FREM2: variants seen among roughly 807,000 people sequenced by gnomAD.
FREM2 encodes the protein FRAS1-related extracellular matrix protein 2.
Under a neutral mutation model 219.9 loss-of-function variants are expected in FREM2, and 119 were observed. The observed-to-expected ratio is 0.54, with a 90% confidence interval of 0.47 to 0.63. FREM2 has a LOEUF of 0.63. Ranked by LOEUF, FREM2 falls within the 30% of genes least tolerant of loss-of-function variation. The pLI, the probability that FREM2 is intolerant of heterozygous loss-of-function variation, is 0.00. For missense variants in FREM2, 4,030 were observed against 3,993.6 expected, an observed-to-expected ratio of 1.01 and a Z score of -0.25; for synonymous variants, 1,562 against 1,522.8, an observed-to-expected ratio of 1.03 and a Z score of -0.60.
chr13:38,751,456 G>T (rs1358413037), intron 2 of FREM2, among the ~76,000 whole-genome samples: 1 of 151,806 alleles, frequency 6.6e-6, no homozygotes, highest in Admixed American at 6.6e-5. Context: ...TCTTATTGCT[G>T]CCCACACACA....
Position 38,784,566 on chromosome 13 carries a change from C to T in FREM2, c.5777C>T (p.Thr1926Ile). 6.2e-7 allele frequency: 1 copy of T among 1,614,190 alleles called. No individual in the cohort carries two copies. The highest frequency in any genetic ancestry group is 1.1e-5 in the South Asian group (1 of 91,088). The change falls in exon 6 of 24, where the codon ACT becomes ATT. Residue 1926 changes from threonine to isoleucine, a missense_variant. Physicochemically the swap from Thr to Ile is moderately conservative, Grantham distance 89 (BLOSUM62 -1). This residue lies in a region of FREM2 where 3,102 missense variants were observed against 2,950.7 expected (regional missense o/e 1.05). Coordinates refer to ENST00000280481, the MANE Select transcript of FREM2 (RefSeq NM_207361.6). ...TTCTCTCTGCTTCCAGGAACAGCAACTGGAACTGTGCCGACTTCCGTGTTG... is the reference window on the plus strand; with the variant it reads ...TTCTCTCTGCTTCCAGGAACAGCAATTGGAACTGTGCCGACTTCCGTGTTG... ...VVCYTQQGTATGTVPTSVLSY... is the reference protein window; with the variant it reads ...VVCYTQQGTAIGTVPTSVLSY...
intron 16 of FREM2, among the ~76,000 whole-genome samples, chr13:38,867,871 C>T (rs1304249738): frequency 6.6e-6 from 1 of 152,142 alleles, no homozygotes; most frequent in African/African-American, 2.4e-5. Flanking sequence ...TTGGTGGTGC[C>T]CACTTACATT....
intron 6 of FREM2, among the ~76,000 whole-genome samples, chr13:38,840,020 G>T (rs982359096): frequency 6.6e-6 from 1 of 152,146 alleles, no homozygotes; most frequent in Non-Finnish European, 1.5e-5. Flanking sequence ...AACTCCTGCA[G>T]CTAGCTGAGT....
At chr13:38,878,113 A>G (rs1164074173) in intron 21 of FREM2, 21 bp from the exon 22 acceptor site, 7 of 1,598,996 alleles carry the variant, frequency 4.4e-6, no homozygotes, top group Non-Finnish European at 6.0e-6. Context: ...CAGAAATAAC[A>G]TTTCCACATC....
Position 38,689,502 on chromosome 13 carries a change from C to T in FREM2, c.2158C>T (p.Pro720Ser). 3 of 1,614,096 alleles carry T rather than the reference C, an allele frequency of 1.9e-6. No homozygotes were observed. The highest frequency in any genetic ancestry group is 2.5e-6 in the Non-Finnish European group (3 of 1,180,006). ...RMVVQESQLTPLRKKWLRYTD... is the reference protein window; with the variant it reads ...RMVVQESQLTSLRKKWLRYTD... ...GGTGGTACAGGAATCCCAGCTCACA[C>T]CACTGAGGAAGAAGTGGCTGCGCTA... is the stretch of plus-strand genomic sequence containing the variant. The change falls in exon 1 of 24, where the codon CCA becomes TCA. Residue 720 changes from proline (P) to serine (S), a missense_variant. By Grantham distance (74) the Pro-to-Ser change is moderately conservative. This residue lies in a region of FREM2 where 3,102 missense variants were observed against 2,950.7 expected (regional missense o/e 1.05). Coordinates refer to ENST00000280481, the MANE Select transcript of FREM2 (RefSeq NM_207361.6).
intron 5 of FREM2, among the ~76,000 whole-genome samples, chr13:38,784,070 G>T (rs1049239276): frequency 6.6e-6 from 1 of 152,248 alleles, no homozygotes; most frequent in African/African-American, 2.4e-5. Context: ...TTGCATTCCG[G>T]CCTGGGCAAC....
At chr13:38,730,034 T>C (rs1372051309) in intron 2 of FREM2, among the ~76,000 whole-genome samples, 1 of 152,240 alleles carries the variant, frequency 6.6e-6, no homozygotes, top group African/African-American at 2.4e-5. Flanking sequence ...GATAATTGTG[T>C]AGGAGTGCCT....
intron 4 of FREM2, among the ~76,000 whole-genome samples, chr13:38,779,914 T>C (rs998377842): frequency 3.3e-5 from 5 of 152,212 alleles, no homozygotes; most frequent in African/African-American, 7.2e-5. Flanking sequence ...ACTCCTCTGG[T>C]TGTCTTCATC....
intron 6 of FREM2, among the ~76,000 whole-genome samples, chr13:38,829,718 A>ATAATTTTTTTATTTGAATAAACAAAT (rs1267851372): frequency 4.6e-5 from 7 of 151,362 alleles, no homozygotes; most frequent in African/African-American, 1.5e-4. Flanking sequence ...TCCTCTATGA[A>ATAATTTTTTTATTTGAATAAACAAAT]TAATTTTTTT....
At chr13:38,833,460 A>G (rs1324403389) in intron 6 of FREM2, among the ~76,000 whole-genome samples, 2 of 152,022 alleles carry the variant, frequency 1.3e-5, no homozygotes, top group Non-Finnish European at 2.9e-5. Flanking sequence ...GGCAACCCTT[A>G]TCATTTTAAG....
chr13:38,721,481 C>G (rs1167912651), intron 2 of FREM2, among the ~76,000 whole-genome samples: 2 of 152,026 alleles, frequency 1.3e-5, no homozygotes, highest in South Asian at 4.1e-4. Flanking sequence ...TAGCTGCAGT[C>G]AGTGAGTGCA....
In FREM2 at chr13:38,784,550, C is replaced by T. The variant is rs535025440; in HGVS notation, c.5768-7C>T. On this transcript the variant is annotated splice_region_variant and splice_polypyrimidine_tract_variant and intron_variant, in intron 5 of 23. Transcript: ENST00000280481. ...ATAAAAATCTTTTGAATTCTCTCTGCTTCCAGGAACAGCAACTGGAACTGT... is the reference window on the plus strand; with the variant it reads ...ATAAAAATCTTTTGAATTCTCTCTGTTTCCAGGAACAGCAACTGGAACTGT... 5 of 1,613,996 alleles carry T rather than the reference C, an allele frequency of 3.1e-6. No individual in the cohort carries two copies. The highest frequency in any genetic ancestry group is 1.7e-5 in the Admixed American group (1 of 60,036).
Position 38,687,755 on chromosome 13 carries a change from C to T in FREM2, c.411C>T (p.Arg137=). ...GCGACTTTGGCCCTGGCGAGGTGCGCTACTCTCACCTGGGCGCGCGCAGCC... is the reference window on the plus strand; with the variant it reads ...GCGACTTTGGCCCTGGCGAGGTGCGTTACTCTCACCTGGGCGCGCGCAGCC... ...FPCDFGPGEV[R]YSHLGARSPS... The change falls in exon 1 of 24, where the codon CGC becomes CGT. Residue 137 remains arginine, a synonymous_variant. Coordinates refer to ENST00000280481, the MANE Select transcript of FREM2 (RefSeq NM_207361.6). 1.3e-6 allele frequency: 2 copies of T among 1,540,194 alleles called. No homozygotes were observed. The highest frequency in any genetic ancestry group is 1.8e-6 in the Non-Finnish European group (2 of 1,141,070).
intron 2 of FREM2, among the ~76,000 whole-genome samples, chr13:38,730,624 C>T (rs943728654): frequency 6.6e-6 from 1 of 152,214 alleles, no homozygotes; most frequent in Non-Finnish European, 1.5e-5. Context: ...CCTCAGGCAG[C>T]TCACCCTCAC....
chr13:38,869,461 GCCAGGGAACATA>G (rs1161018529), intron 16 of FREM2, among the ~76,000 whole-genome samples: 1 of 152,126 alleles, frequency 6.6e-6, no homozygotes, highest in Non-Finnish European at 1.5e-5. Flanking sequence ...CCTACTCTGT[GCCAGGGAACATA>G]CCAAGTACTC....
chr13:38,871,063 C>G (rs1041349160), intron 16 of FREM2, among the ~76,000 whole-genome samples: 1 of 152,118 alleles, frequency 6.6e-6, no homozygotes, highest in Non-Finnish European at 1.5e-5. Flanking sequence ...GAGGTAATAA[C>G]AGCCGCCCAT....
chr13:38,709,871 C>T (rs1489113532), intron 2 of FREM2, among the ~76,000 whole-genome samples: 2 of 151,842 alleles, frequency 1.3e-5, no homozygotes, highest in African/African-American at 2.4e-5. Context: ...TGGCCGGGCG[C>T]GGTGGCTCAT....
At chr13:38,731,213 T>A (rs1278930102) in intron 2 of FREM2, among the ~76,000 whole-genome samples, 1 of 152,216 alleles carries the variant, frequency 6.6e-6, no homozygotes, top group Non-Finnish European at 1.5e-5. Flanking sequence ...GAAATAGATA[T>A]AAAATATCCG....
rs2137809326 is a variant in FREM2, at chr13:38,764,341, T to A, written c.5301T>A (p.Asn1767Lys). The A allele has an allele frequency of 3.7e-6, 6 of 1,611,566 alleles. No individual in the cohort carries two copies. In the Middle Eastern group the frequency reaches 6.6e-4, roughly 178 times the overall value. ...NKLTYQNFRL[N>K]WAWISFEKEY... ...TAACGTACCAGAATTTTCGTCTGAA[T>A]TGGGCATGGATCTCCTTTGAAAAGG... is the stretch of plus-strand genomic sequence containing the variant. Residue 1767 changes from asparagine (N) to lysine (K), a missense_variant, in exon 3 of 24, where the codon AAT becomes AAA. Physicochemically the swap from Asn to Lys is moderately conservative, Grantham distance 94. Around this residue, in one of 2 missense-constraint regions of FREM2, gnomAD observed 3,102 missense variants for 2,950.7 expected, o/e 1.05. Coordinates refer to ENST00000280481, the MANE Select transcript of FREM2 (RefSeq NM_207361.6).
Sources: gnomAD v4.1 joint callset for allele counts (sites outside exome capture counted in the v4.1 genomes callset) on GRCh38, gnomAD v4.1.1 for gene constraint, gnomAD v4.1.1 regional missense constraint, MANE v1.5 for transcripts, NCBI Gene and HGNC (gene_info 2026-07-23, HGNC 2026-07-21) for gene names.